The following CDT1 variants were observed in gnomAD, a reference collection of about 807,000 sequenced individuals.
CDT1 encodes chromatin licensing and DNA replication factor 1.
CDT1 carries 66 observed loss-of-function variants against 49.3 expected under a neutral mutation model. That is an observed-to-expected ratio of 1.34 (90% CI 1.10 to 1.64). CDT1 has a LOEUF of 1.64. CDT1 is among the 40% of genes most tolerant of loss of function. The probability of loss-of-function intolerance (pLI) is 0.00; values close to 1 mark genes in which losing one functional copy is unlikely to be tolerated. For missense variants in CDT1, 958 were observed against 807.7 expected, an observed-to-expected ratio of 1.19 and a Z score of -2.26; for synonymous variants, 424 against 347.4, an observed-to-expected ratio of 1.22 and a Z score of -2.45.
intron 1 of CDT1, 119 bp from the exon 2 acceptor site, chr16:88,804,426 G>T: frequency 7.6e-7 from 1 of 1,317,316 alleles, no homozygotes; most frequent in South Asian, 1.4e-5. Flanking sequence ...GAAGTCCTAA[G>T]CCCCCCAGCC....
chr16:88,808,012 G>C (rs1413886963), intron 9 of CDT1, 103 bp from the exon 10 acceptor site: 3 of 1,331,292 alleles, frequency 2.3e-6, no homozygotes, highest in Non-Finnish European at 3.2e-6. Flanking sequence ...CCCTGAGGGC[G>C]ACCAGGCAGG....
rs769259147 is a variant in CDT1, at chr16:88,804,662, G to T, written c.346G>T (p.Asp116Tyr). ...GQPPHLTSAQ[D>Y]QDTISELASC... ...GCCGCCCCACCTGACATCCGCGCAG[G>T]ACCAGGTGAGGGGCGGGGCCTGGGG... The change falls in exon 2 of 10, where the codon GAC becomes TAC. Residue 116 changes from aspartate (D) to tyrosine (Y), a missense_variant. Physicochemically the swap from Asp to Tyr is radical, Grantham distance 160 (BLOSUM62 -3). Coordinates refer to ENST00000301019, the MANE Select transcript of CDT1 (RefSeq NM_030928.4). 3 of 1,612,590 alleles carry T rather than the reference G, an allele frequency of 1.9e-6. No homozygotes were observed. The highest frequency in any genetic ancestry group is 2.5e-6 in the Non-Finnish European group (3 of 1,179,822).
In CDT1 at chr16:88,805,556, C is replaced by T. The variant is rs769261147; in HGVS notation, c.605C>T (p.Thr202Ile). 8.7e-6 allele frequency: 14 copies of T among 1,612,782 alleles called. No homozygotes were observed. The highest frequency in any genetic ancestry group is 1.2e-5 in the Non-Finnish European group (14 of 1,179,978). Residue 202 changes from threonine to isoleucine, a missense_variant, in exon 4 of 10, where the codon ACC (threonine) becomes ATC (isoleucine). Thr to Ile is a moderately conservative substitution (Grantham distance 89). Transcript: ENST00000301019. Reference protein sequence around the residue: ...VLAEMFRSMDTIVGMLHNRSE... With the variant: ...VLAEMFRSMDIIVGMLHNRSE... ...GCGGAGATGTTCCGCAGCATGGACA[C>T]CATCGTGGGCATGCTCCACAACCGC...
Position 88,807,501 on chromosome 16 carries a change from G to T in CDT1, c.1477+19G>T. 6.2e-7 allele frequency: 1 copy of T among 1,608,984 alleles called. No homozygotes were observed. Among genetic ancestry groups the T allele is most frequent in the Non-Finnish European group, 8.5e-7 (1 of 1,177,324 alleles). On this transcript the variant is annotated intron_variant, in intron 9 of 9. Transcript: ENST00000301019. ...AGCCCTGGTACGTGCAGGGCGGGGT[G>T]AAGGGGCGTGCAGGGTGGAATTGCC...
chr16:88,808,362 C>A lies in CDT1; in HGVS notation c.*84C>A. The stretch of plus-strand genomic sequence containing the variant: ...AGCATTTTCTTTTATGAACATGATA[C>A]ACTTTGGCCTTCCTTTCCCCAGCGC... On this transcript the variant is annotated 3_prime_UTR_variant, in exon 10 of 10. Coordinates refer to ENST00000301019, the MANE Select transcript of CDT1 (RefSeq NM_030928.4). The A allele has an allele frequency of 1.4e-6, 2 of 1,459,112 alleles. No individual in the cohort carries two copies. The highest frequency in any genetic ancestry group is 1.8e-6 in the Non-Finnish European group (2 of 1,084,816). 90.4% of individuals were successfully genotyped at this position (1,459,112 alleles called of 1,614,324 possible).
chr16:88,804,971 G>C, intron 3 of CDT1, 73 bp downstream of exon 3: 1 of 1,516,628 alleles, frequency 6.6e-7, no homozygotes, highest in Non-Finnish European at 8.8e-7. Context: ...CAGCGAGCCT[G>C]TCAGAGGCCC....
At chr16:88,804,196 G>T in intron 1 of CDT1, 137 bp downstream of exon 1, 1 of 710,180 alleles carries the variant, frequency 1.4e-6, no homozygotes, top group Non-Finnish European at 2.1e-6. Context: ...AGGGAACTCT[G>T]GGACAGGCCG....
rs1227222385 is a variant in CDT1, at chr16:88,805,531, G to C, written c.580G>C (p.Ala194Pro). The C allele has an allele frequency of 1.1e-5, 18 of 1,612,922 alleles. No homozygotes were observed. Among genetic ancestry groups the C allele is most frequent in the Non-Finnish European group, 1.5e-5 (18 of 1,179,978 alleles). The stretch of plus-strand genomic sequence containing the variant: ...GCTGCCCTACAAGTACCAGGTGCTG[G>C]CGGAGATGTTCCGCAGCATGGACAC... The part of the protein sequence containing the change: ...LVLPYKYQVL[A>P]EMFRSMDTIV... The change falls in exon 4 of 10, where the codon GCG (alanine) becomes CCG (proline). Residue 194 changes from alanine (A) to proline (P), a missense_variant. Coordinates refer to ENST00000301019, the MANE Select transcript of CDT1 (RefSeq NM_030928.4).
intron 9 of CDT1, among the ~76,000 whole-genome samples, 186 bp downstream of exon 9, chr16:88,807,668 C>T (rs901094555): frequency 2.0e-5 from 3 of 152,184 alleles, no homozygotes; most frequent in Non-Finnish European, 2.9e-5. Flanking sequence ...CCTGAGCCTC[C>T]GCCCGGCCCC....
rs145319641 is a variant in CDT1 at position 88,805,768 on chromosome 16, C to T, written c.731C>T (p.Pro244Leu). 311 of 1,613,094 alleles carry T rather than the reference C, an allele frequency of 1.9e-4. 1 individual carries two copies. Among genetic ancestry groups the T allele is most frequent in the Non-Finnish European group, 2.4e-4 (283 of 1,179,962 alleles). The change falls in exon 5 of 10, where the codon CCG (proline) becomes CTG (leucine). Residue 244 changes from proline to leucine, a missense_variant. Physicochemically the swap from Pro to Leu is moderately conservative, Grantham distance 98. Transcript: ENST00000301019. Reference sequence around the variant, plus strand: ...GTTGGCCAGATCAAAACCGTGTACCCGGCCTCCTACCGCTTCCGCCAGGAG... The same window carrying T: ...GTTGGCCAGATCAAAACCGTGTACCTGGCCTCCTACCGCTTCCGCCAGGAG... ...CNVGQIKTVY[P>L]ASYRFRQERS...
At chr16:88,804,932 C>G (rs1940666817) in intron 3 of CDT1, 34 bp downstream of exon 3, 2 of 1,536,096 alleles carry the variant, frequency 1.3e-6, no homozygotes, top group African/African-American at 2.7e-5. Flanking sequence ...GAGGCCCCGG[C>G]AAAGGCCGGG....
chr16:88,805,007 G>T (rs1908797098), intron 3 of CDT1, 109 bp downstream of exon 3: 6 of 1,424,596 alleles, frequency 4.2e-6, no homozygotes, highest in Non-Finnish European at 5.6e-6. Flanking sequence ...AGGGAGGGTG[G>T]TGGTGAGGTC....
At chr16:88,807,527 T>C (rs747989537) in intron 9 of CDT1, 45 bp downstream of exon 9, 2 of 1,564,562 alleles carry the variant, frequency 1.3e-6, no homozygotes, top group Admixed American at 1.7e-5. Flanking sequence ...TGGAATTGCC[T>C]GGTGCTGCAG....
rs542082324 is a variant in CDT1 at position 88,806,104 on chromosome 16, G to C, written c.916G>C (p.Val306Leu). The C allele has an allele frequency of 1.3e-6, 2 of 1,598,768 alleles. No individual in the cohort carries two copies. Among genetic ancestry groups the C allele is most frequent in the Non-Finnish European group, 1.7e-6 (2 of 1,177,136 alleles). Residue 306 changes from valine (V) to leucine (L), a missense_variant, in exon 6 of 10, where the codon GTC (valine) becomes CTC (leucine). Coordinates refer to ENST00000301019, the MANE Select transcript of CDT1 (RefSeq NM_030928.4). ...QIFSQKLVEH[V>L]KEHHKAFLAS... is the part of the protein sequence containing the mutation. Reference sequence around the variant, plus strand: ...CTTCAGCCAGAAGCTGGTGGAGCATGTCAAGGAGCACCACAAGGTGAGCGG... The same window carrying C: ...CTTCAGCCAGAAGCTGGTGGAGCATCTCAAGGAGCACCACAAGGTGAGCGG...
chr16:88,806,701 A>G, intron 7 of CDT1, 27 bp downstream of exon 7: 3 of 1,568,606 alleles, frequency 1.9e-6, no homozygotes, highest in Non-Finnish European at 2.6e-6. Flanking sequence ...TGGGCAGCCC[A>G]TTTCTCCCGG....
At position 88,804,620 on chromosome 16, in the gene CDT1, A is replaced by C. The variant is rs1597504243; in HGVS notation, c.304A>C (p.Thr102Pro). 1 of 1,612,170 alleles carries C rather than the reference A, an allele frequency of 6.2e-7. No homozygotes were observed. ...PSPGQKIKKS[T>P]PAAGQPPHLT... ...TCCGGGCCAGAAGATAAAGAAATCC[A>C]CCCCGGCAGCAGGTCAGCCGCCCCA... is the stretch of plus-strand genomic sequence containing the variant. Residue 102 changes from threonine (T) to proline (P), a missense_variant, in exon 2 of 10, where the codon ACC (threonine) becomes CCC (proline). Thr to Pro is a conservative substitution (Grantham distance 38). Transcript: ENST00000301019.
rs755152546 is a variant in CDT1, at chr16:88,807,102, C to G, written c.1174C>G (p.Pro392Ala). 2 of 1,612,828 alleles carry G rather than the reference C, an allele frequency of 1.2e-6. No individual in the cohort carries two copies. Among genetic ancestry groups the G allele is most frequent in the Non-Finnish European group, 1.7e-6 (2 of 1,179,970 alleles). ...CCTGCGCTCTGCTGCGCCCAGCAGC[C>G]CCGGGTCTCCCAGGCCAGCACTGCC... ...LALRSAAPSSPGSPRPALPAT... is the reference protein window; with the variant it reads ...LALRSAAPSSAGSPRPALPAT... Residue 392 changes from proline (P) to alanine (A), a missense_variant, in exon 8 of 10, where the codon CCC becomes GCC. Transcript: ENST00000301019.
At position 88,806,058 on chromosome 16, in the gene CDT1, C is replaced by T. The variant is rs751796390; in HGVS notation, c.870C>T (p.Arg290=). The part of the protein sequence containing the change: ...DGAAPQLTAS[R]LLQRRQIFSQ... Reference sequence around the variant, plus strand: ...CAGCCCCCCAGCTCACGGCCTCGCGCCTCCTGCAGCGACGGCAGATCTTCA... The same window carrying T: ...CAGCCCCCCAGCTCACGGCCTCGCGTCTCCTGCAGCGACGGCAGATCTTCA... The change falls in exon 6 of 10, where the codon CGC becomes CGT. Residue 290 remains arginine (R), a synonymous_variant. Coordinates refer to ENST00000301019, the MANE Select transcript of CDT1 (RefSeq NM_030928.4). 5 of 1,599,554 alleles carry T rather than the reference C, an allele frequency of 3.1e-6. No homozygotes were observed. The highest frequency in any genetic ancestry group is 4.2e-6 in the Non-Finnish European group (5 of 1,176,732).
At chr16:88,804,404 C>T (rs1909799068) in intron 1 of CDT1, 141 bp from the exon 2 acceptor site, 3 of 1,120,394 alleles carry the variant, frequency 2.7e-6, no homozygotes, top group Admixed American at 4.5e-5. Flanking sequence ...TAGCACAGAC[C>T]ACCATCTACG....
Sources: allele counts gnomAD v4.1 joint callset (sites outside exome capture counted in the v4.1 genomes callset), GRCh38; gene constraint gnomAD v4.1.1; transcripts MANE v1.5; gene names NCBI Gene and HGNC (gene_info 2026-07-23, HGNC 2026-07-21).